Variants in POLE2 observed in about 807,000 individuals in gnomAD.
POLE2 encodes the protein DNA polymerase epsilon 2, accessory subunit.
In POLE2, 56 loss-of-function variants were observed where a neutral mutation model predicts 79.4. The observed-to-expected ratio is 0.71, with a 90% CI of 0.57 to 0.88. POLE2 has a LOEUF of 0.88. Ranked by LOEUF, POLE2 falls within the 40% of genes least tolerant of loss-of-function variation. The probability of loss-of-function intolerance (pLI) is 0.00; values close to 1 mark genes in which losing one functional copy is unlikely to be tolerated. For synonymous variants in POLE2, 212 were observed against 214.0 expected, an observed-to-expected ratio of 0.99 and a Z score of 0.08; for missense variants, 598 against 638.9, an observed-to-expected ratio of 0.94 and a Z score of 0.69.
intron 10 of POLE2, among the ~76,000 whole-genome samples, chr14:49,660,117 C>CT: frequency 6.6e-6 from 1 of 152,136 alleles, no homozygotes. Context: ...CATATTTTTA[C>CT]TTTATCTTTT....
chr14:49,678,397 C>G (rs41500350), intron 3 of POLE2, among the ~76,000 whole-genome samples: 7,124 of 152,044 alleles, frequency 0.047, 527 homozygotes, highest in African/African-American at 0.16. Context: ...AAAACTGATG[C>G]GATATGGTAC....
rs1393504817 is a variant in POLE2, at chr14:49,680,555, AT to A, written c.170-756del. ...ACTGGGTAGATGTCCTGTAAGACTGATGTTAAGATGCCCATATCTTATAGAT... is the reference window on the plus strand; with the variant it reads ...ACTGGGTAGATGTCCTGTAAGACTGAGTTAAGATGCCCATATCTTATAGAT... On this transcript the variant is annotated intron_variant, in intron 2 of 18. Coordinates refer to ENST00000216367, the MANE Select transcript of POLE2 (RefSeq NM_002692.4). 2.0e-5 allele frequency among the ~76,000 whole-genome samples: 3 copies of A among 152,162 alleles called. No homozygotes were observed. The South Asian group carries it at 6.2e-4, about 32-fold the overall frequency.
At chr14:49,667,644 A>C (rs1446750527) in intron 6 of POLE2, among the ~76,000 whole-genome samples, 1 of 151,736 alleles carries the variant, frequency 6.6e-6, no homozygotes, top group Non-Finnish European at 1.5e-5. Flanking sequence ...AACTGGGCTC[A>C]AGTGATCCTT....
At chr14:49,656,754 G>T (rs1432336950) in intron 10 of POLE2, among the ~76,000 whole-genome samples, 1 of 152,108 alleles carries the variant, frequency 6.6e-6, no homozygotes, top group African/African-American at 2.4e-5. Context: ...GATCCCAAAA[G>T]AGGTTAGATT....
chr14:49,666,183 G>A (rs1294689009), intron 7 of POLE2, 147 bp downstream of exon 7: 13 of 613,966 alleles, frequency 2.1e-5, no homozygotes, highest in South Asian at 9.5e-5. Context: ...CTATTTCCTC[G>A]TATTACCACT....
At chr14:49,643,875 C>CTTTTTTTTTTTTTTTTTTTTT (rs11361567) in intron 18 of POLE2, among the ~76,000 whole-genome samples, 1 of 53,206 alleles carries the variant, frequency 1.9e-5, no homozygotes, top group African/African-American at 6.6e-5. Context: ...AAATGTATGT[C>CTTTTTTTTTTTTTTTTTTTTT]TTTTTTTTTT....
intron 4 of POLE2, 45 bp downstream of exon 4, chr14:49,674,305 A>G: frequency 6.7e-7 from 1 of 1,499,762 alleles, no homozygotes; most frequent in Non-Finnish European, 9.3e-7. Flanking sequence ...CTGAAAAAAA[A>G]AGTACATTTG....
chr14:49,656,354 C>CA (rs36046648), intron 10 of POLE2, among the ~76,000 whole-genome samples: 2,896 of 93,686 alleles, frequency 0.031, 30 homozygotes, highest in Middle Eastern at 0.083. Context: ...ACTCTTGTCT[C>CA]AAAAAAAAAA....
chr14:49,677,637 T>C, intron 3 of POLE2: 1 of 664,422 alleles, frequency 1.5e-6, no homozygotes, highest in Non-Finnish European at 2.6e-6. Flanking sequence ...GTCTGGTCCC[T>C]GGGCTGTGTG....
intron 10 of POLE2, among the ~76,000 whole-genome samples, chr14:49,656,119 G>T (rs936013982): frequency 6.6e-6 from 1 of 152,180 alleles, no homozygotes; most frequent in African/African-American, 2.4e-5. Flanking sequence ...ACTTTGGGAG[G>T]CCGAGGCGGG....
At chr14:49,669,099 C>T (rs899317575) in intron 6 of POLE2, among the ~76,000 whole-genome samples, 1 of 152,176 alleles carries the variant, frequency 6.6e-6, no homozygotes, top group African/African-American at 2.4e-5. Flanking sequence ...CAATATAACA[C>T]ATTCTAGTTC....
chr14:49,646,325 T>G (rs946834626), intron 18 of POLE2, among the ~76,000 whole-genome samples: 2 of 102,294 alleles, frequency 2.0e-5, no homozygotes, highest in African/African-American at 6.2e-5. Flanking sequence ...TTTTTTTTTT[T>G]TTTTTTTTTT....
rs372142934 is a variant in POLE2 at position 49,647,393 on chromosome 14, C to G, written c.1498-33G>C. The G allele has an allele frequency of 7.1e-5, 75 of 1,054,978 alleles. No homozygotes were observed. The African/African-American group carries it at 1.2e-3, about 17-fold the overall frequency. The allele number at this position is 1,054,978 out of a possible 1,614,324, so 65.4% of individuals were successfully genotyped here. On this transcript the variant is annotated intron_variant, in intron 17 of 18. Coordinates refer to ENST00000216367, the MANE Select transcript of POLE2 (RefSeq NM_002692.4). Reference sequence around the variant, plus strand: ...GGAGAAAAATGCCTGTAAGTGAATGCTCAGACTTTTTTTTAAAATAAATTT... The same window carrying G: ...GGAGAAAAATGCCTGTAAGTGAATGGTCAGACTTTTTTTTAAAATAAATTT...
At chr14:49,677,303 A>G in intron 3 of POLE2, 1 of 544,544 alleles carries the variant, frequency 1.8e-6, no homozygotes, top group South Asian at 2.1e-5. Flanking sequence ...ATACTGTGGA[A>G]TGGAGAGAAA....
At chr14:49,654,581 G>A (rs551791866) in intron 13 of POLE2, 1 of 576,660 alleles carries the variant, frequency 1.7e-6, no homozygotes, top group Non-Finnish European at 2.7e-6. Context: ...AAGTATGGCT[G>A]AAATTACCTC....
chr14:49,673,404 C>T (rs1268216523), intron 5 of POLE2, among the ~76,000 whole-genome samples: 2 of 152,200 alleles, frequency 1.3e-5, no homozygotes, highest in Non-Finnish European at 2.9e-5. Context: ...CCTTTCCAAA[C>T]TGATCCCACA....
At chr14:49,660,708 A>G (rs1402388548) in intron 10 of POLE2, among the ~76,000 whole-genome samples, 2 of 152,132 alleles carry the variant, frequency 1.3e-5, no homozygotes, top group African/African-American at 2.4e-5. Context: ...CCTGACCAAC[A>G]TAGCGAAACC....
At chr14:49,684,049 C>A (rs911704488) in intron 1 of POLE2, among the ~76,000 whole-genome samples, 1 of 152,166 alleles carries the variant, frequency 6.6e-6, no homozygotes, top group Non-Finnish European at 1.5e-5. Flanking sequence ...AGGCAAGAGT[C>A]CATCTGTTTC....
intron 5 of POLE2, among the ~76,000 whole-genome samples, chr14:49,671,349 T>C (rs1262557231): frequency 6.6e-6 from 1 of 152,152 alleles, no homozygotes; most frequent in Non-Finnish European, 1.5e-5. Context: ...TTGGGCACAG[T>C]GGCTCACGCT....
Sources: allele counts gnomAD v4.1 joint callset (sites outside exome capture counted in the v4.1 genomes callset), GRCh38; gene constraint gnomAD v4.1.1; transcripts MANE v1.5; gene names NCBI Gene and HGNC (gene_info 2026-07-23, HGNC 2026-07-21).